Variants in MOB4 observed in about 807,000 individuals in gnomAD.
MOB4 encodes the protein MOB-like protein phocein.
In MOB4, 4 loss-of-function variants were observed where a neutral mutation model predicts 32.2. That is an observed-to-expected ratio of 0.12 (90% CI 0.06 to 0.28). The LOEUF is 0.28. Ranked by LOEUF, MOB4 falls within the 10% of genes least tolerant of loss-of-function variation. The pLI is 1.00. For synonymous variants in MOB4, 88 were observed against 88.1 expected (o/e 1.00, Z 0.01); for missense variants, 158 against 271.2 (o/e 0.58, Z 2.93).
intron 5 of MOB4, among the ~76,000 whole-genome samples, chr2:197,542,450 C>T (rs1184529199): frequency 1.3e-5 from 2 of 152,180 alleles, no homozygotes; most frequent in East Asian, 3.8e-4. Flanking sequence ...ACTATAGGAA[C>T]TGACAAACTA....
chr2:197,535,396 A>T, intron 2 of MOB4, 134 bp from the exon 3 acceptor site: 1 of 671,688 alleles, frequency 1.5e-6, no homozygotes, highest in South Asian at 3.3e-5. Context: ...ATGATTCTAT[A>T]CTTGGTTTCC....
At chr2:197,522,010 C>T (rs1008667388) in intron 1 of MOB4, among the ~76,000 whole-genome samples, 12 of 152,214 alleles carry the variant, frequency 7.9e-5, no homozygotes, top group African/African-American at 2.9e-4. Context: ...TCCATGAAAT[C>T]TTCACAATTT....
intron 5 of MOB4, among the ~76,000 whole-genome samples, chr2:197,545,791 G>A (rs1190688373): frequency 6.6e-6 from 1 of 152,194 alleles, no homozygotes; most frequent in African/African-American, 2.4e-5. Flanking sequence ...AGAATGGGAA[G>A]TGACTGCTAA....
At chr2:197,526,220 G>A (rs1157484543) in intron 2 of MOB4, among the ~76,000 whole-genome samples, 1 of 152,072 alleles carries the variant, frequency 6.6e-6, no homozygotes. Flanking sequence ...TTATTCGTAG[G>A]TCATTCAGTG....
Position 197,540,144 on chromosome 2 carries a change from C to A in MOB4, c.258C>A (p.Val86=). Residue 86 remains valine, a synonymous_variant, in exon 4 of 8, where the codon GTC becomes GTA. Transcript: ENST00000323303. The stretch of plus-strand genomic sequence containing the variant: ...GCCTTGAGCTAAATGGACTTGCTGT[C>A]AAACTTCAGGTAATATTTTCTTTAA... ...QFCLELNGLA[V]KLQSECHPDT... 2 of 1,604,788 alleles carry A rather than the reference C, an allele frequency of 1.2e-6. No homozygotes were observed. The highest frequency in any genetic ancestry group is 2.2e-5 in the South Asian group (2 of 88,906).
intron 2 of MOB4, among the ~76,000 whole-genome samples, chr2:197,528,418 C>T (rs1419742382): frequency 6.6e-6 from 1 of 151,980 alleles, no homozygotes; most frequent in Middle Eastern, 3.2e-3. Flanking sequence ...CCCTTTTGCT[C>T]CCCCTTTATA....
At chr2:197,529,388 G>C (rs1386016374) in intron 2 of MOB4, among the ~76,000 whole-genome samples, 1 of 151,866 alleles carries the variant, frequency 6.6e-6, no homozygotes, top group Non-Finnish European at 1.5e-5. Flanking sequence ...GTCTCGCTCT[G>C]TCACCCAGAC....
At chr2:197,527,773 A>G (rs2086633940) in intron 2 of MOB4, among the ~76,000 whole-genome samples, 2 of 152,214 alleles carry the variant, frequency 1.3e-5, no homozygotes, top group Admixed American at 6.5e-5. Context: ...TGAGCTTTTC[A>G]TGAATGCCCT....
chr2:197,524,054 A>C (rs981484553), intron 2 of MOB4, among the ~76,000 whole-genome samples: 5 of 152,210 alleles, frequency 3.3e-5, no homozygotes, highest in African/African-American at 1.2e-4. Flanking sequence ...AGCCTGAGCG[A>C]CATAACAAGA....
intron 2 of MOB4, among the ~76,000 whole-genome samples, chr2:197,530,341 T>C (rs749881785): frequency 1.3e-4 from 20 of 151,956 alleles, no homozygotes; most frequent in Admixed American, 2.6e-4. Context: ...AATCATAGCT[T>C]ACTGCAGCCT....
intron 1 of MOB4, among the ~76,000 whole-genome samples, chr2:197,518,299 C>T (rs1007787073): frequency 1.3e-5 from 2 of 151,380 alleles, no homozygotes; most frequent in African/African-American, 4.8e-5. Flanking sequence ...CAGAGTTTCT[C>T]TCTTGTTGCC....
At chr2:197,516,018 C>G (rs1322801096), upstream of MOB4, 7 of 1,493,274 alleles carry the variant, frequency 4.7e-6, no homozygotes, top group Non-Finnish European at 5.5e-6. Flanking sequence ...CGCCGCTCTG[C>G]CCCGCCCCCC....
Position 197,551,840 on chromosome 2 carries a change from A to G in MOB4, c.*1194A>G, listed in dbSNP as rs930584648. ...TGCAGATTTAACAATCTTATAATCT[A>G]TTGAATGCCATTTTTGATAAAGCAC... On this transcript the variant is annotated 3_prime_UTR_variant, in exon 8 of 8. Transcript: ENST00000323303. 4.6e-5 allele frequency: 7 copies of G among 152,344 alleles called. No homozygotes were observed. Among genetic ancestry groups the G allele is most frequent in the African/African-American group, 9.6e-5 (4 of 41,464 alleles). 9.4% of individuals were successfully genotyped at this position (152,344 alleles called of 1,614,324 possible).
intron 1 of MOB4, among the ~76,000 whole-genome samples, chr2:197,521,137 G>A (rs1479792432): frequency 3.3e-5 from 5 of 152,088 alleles, no homozygotes; most frequent in African/African-American, 1.2e-4. Context: ...CGATAGTCAC[G>A]TAGGTTCTTT....
At chr2:197,546,844 C>T (rs1352955087) in intron 5 of MOB4, among the ~76,000 whole-genome samples, 2 of 152,206 alleles carry the variant, frequency 1.3e-5, no homozygotes, top group Non-Finnish European at 2.9e-5. Flanking sequence ...TAATAGCCTA[C>T]TGTTGACTGG....
At chr2:197,534,988 C>A (rs2086773152) in intron 2 of MOB4, among the ~76,000 whole-genome samples, 1 of 152,192 alleles carries the variant, frequency 6.6e-6, no homozygotes, top group African/African-American at 2.4e-5. Context: ...ACTCTAGACA[C>A]TTCATATAAA....
chr2:197,519,548 T>C (rs983599564), intron 1 of MOB4, among the ~76,000 whole-genome samples: 1 of 152,250 alleles, frequency 6.6e-6, no homozygotes, highest in East Asian at 1.9e-4. Flanking sequence ...ATAGTTGTTA[T>C]ACTGTATTTA....
chr2:197,550,442 A>G (rs56127690), intron 7 of MOB4, 56 bp downstream of exon 7: 6 of 1,591,180 alleles, frequency 3.8e-6, no homozygotes, highest in Non-Finnish European at 5.1e-6. Context: ...ACAGTAATAT[A>G]TATTGATGTT....
At chr2:197,530,383 T>C (rs1282398627) in intron 2 of MOB4, among the ~76,000 whole-genome samples, 1 of 151,826 alleles carries the variant, frequency 6.6e-6, no homozygotes, top group African/African-American at 2.4e-5. Context: ...TTTTCTCACC[T>C]CACCTTTCTG....
Sources: gnomAD v4.1 joint callset for allele counts (sites outside exome capture counted in the v4.1 genomes callset) on GRCh38, gnomAD v4.1.1 for gene constraint, MANE v1.5 for transcripts, NCBI Gene and HGNC (gene_info 2026-07-23, HGNC 2026-07-21) for gene names.